SDS: variants seen among roughly 807,000 people sequenced by gnomAD.
The protein encoded by SDS is serine dehydratase, also known as L-serine dehydratase/L-threonine deaminase.
In SDS, 19 loss-of-function variants were observed where a neutral mutation model predicts 29.3. The observed-to-expected ratio is 0.65, with a 90% CI of 0.45 to 0.95. SDS has a LOEUF of 0.95. Ranked by LOEUF, SDS falls within the 40% of genes least tolerant of loss-of-function variation. The pLI is 0.00. For synonymous variants in SDS, 176 were observed against 189.0 expected, an observed-to-expected ratio of 0.93 and a Z score of 0.56; for missense variants, 375 against 439.9, an observed-to-expected ratio of 0.85 and a Z score of 1.32.
At position 113,396,128 on chromosome 12, in the gene SDS, A is replaced by C. The variant is rs116941089; in HGVS notation, c.653+1037T>G. ...AAACAAAGACAAAAACAAACAAACTATCAAAGGTTTGGGGCTTGGATATGA... is the reference window on the plus strand; with the variant it reads ...AAACAAAGACAAAAACAAACAAACTCTCAAAGGTTTGGGGCTTGGATATGA... On this transcript the variant is annotated intron_variant, in intron 6 of 7. Coordinates refer to ENST00000257549, the MANE Select transcript of SDS (RefSeq NM_006843.3). Among the ~76,000 whole-genome samples, 980 of 152,244 alleles carry C rather than the reference A, an allele frequency of 6.4e-3. 14 individuals are homozygous for C. The highest frequency in any genetic ancestry group is 8.2e-3 in the Non-Finnish European group (558 of 68,014).
rs1410136486 is a variant in SDS at position 113,399,106 on chromosome 12, A to C, written c.193+6T>G. 1 of 1,613,878 alleles carries C rather than the reference A, an allele frequency of 6.2e-7. No homozygotes were observed. ...AGAGGACAGGATGGGGAAGCAGATCACTTACCCGAGGAGCAGACAAAATGT... is the reference window on the plus strand; with the variant it reads ...AGAGGACAGGATGGGGAAGCAGATCCCTTACCCGAGGAGCAGACAAAATGT... On this transcript the variant is annotated splice_donor_region_variant and intron_variant, in intron 3 of 7. Transcript: ENST00000257549.
intron 1 of SDS, 136 bp downstream of exon 1, chr12:113,403,632 G>T (rs576875742): frequency 2.0e-5 from 3 of 152,496 alleles, no homozygotes; most frequent in African/African-American, 4.8e-5. Flanking sequence ...GCCTTCCAAA[G>T]TGTTGGGATT....
In SDS at chr12:113,398,781, C is replaced by G; in HGVS notation, c.259G>C (p.Val87Leu). Reference sequence around the variant, plus strand: ...GTGAGAGCAGGTGTGGTGCTGGGCACCACGATGGTGGCGGGGACGCCGAGT... The same window carrying G: ...GTGAGAGCAGGTGTGGTGCTGGGCAGCACGATGGTGGCGGGGACGCCGAGT... ...RQLGVPATIV[V>L]PSTTPALTIE... The change falls in exon 4 of 8, where the codon GTG becomes CTG. Residue 87 changes from valine to leucine, a missense_variant. By Grantham distance (32) the Val-to-Leu change is conservative. Coordinates refer to ENST00000257549, the MANE Select transcript of SDS (RefSeq NM_006843.3). The G allele has an allele frequency of 1.2e-6, 2 of 1,614,104 alleles. No individual in the cohort carries two copies. The highest frequency in any genetic ancestry group is 1.7e-6 in the Non-Finnish European group (2 of 1,179,990).
chr12:113,397,382 C>T lies in SDS; in HGVS notation c.436G>A (p.Ala146Thr), dbSNP rs372154433. Residue 146 changes from alanine to threonine, a missense_variant, in exon 6 of 8, where the codon GCT (alanine) becomes ACT (threonine). Coordinates refer to ENST00000257549, the MANE Select transcript of SDS (RefSeq NM_006843.3). ...TCCTTCAGCTCTTTCACGATGGAAG[C>T]GTGGCCTTCCCTGGAGGGTGGGGAG... The part of the protein sequence containing the change: ...FDDPLIWEGH[A>T]SIVKELKETL... 257 of 1,607,660 alleles carry T rather than the reference C, an allele frequency of 1.6e-4. No individual in the cohort carries two copies. Among genetic ancestry groups the T allele is most frequent in the East Asian group, 3.6e-4 (16 of 44,756 alleles).
rs116905160 is a variant in SDS at position 113,394,684 on chromosome 12, C to T, written c.654-668G>A. Among the ~76,000 whole-genome samples, 208 of 152,184 alleles carry T rather than the reference C, an allele frequency of 1.4e-3. 1 individual carries two copies. The highest frequency in any genetic ancestry group is 2.7e-3 in the Non-Finnish European group (184 of 67,992). Reference sequence around the variant, plus strand: ...CTGGGCTCAAGTGATCCTCCTGCCTCGGCACAGCGTCATATTCTGATCAAC... The same window carrying T: ...CTGGGCTCAAGTGATCCTCCTGCCTTGGCACAGCGTCATATTCTGATCAAC... On this transcript the variant is annotated intron_variant, in intron 6 of 7. Transcript: ENST00000257549.
intron 7 of SDS, 128 bp from the exon 8 acceptor site, chr12:113,393,277 C>A: frequency 1.1e-6 from 1 of 920,000 alleles, no homozygotes; most frequent in South Asian, 1.4e-5. Context: ...AGCCGCAGGT[C>A]CTGAACCAAA....
chr12:113,393,169 A>G lies in SDS; in HGVS notation c.779-20T>C, dbSNP rs1279540994. 1.2e-6 allele frequency: 2 copies of G among 1,611,644 alleles called. No individual in the cohort carries two copies. The highest frequency in any genetic ancestry group is 1.3e-5 in the African/African-American group (1 of 74,882). On this transcript the variant is annotated intron_variant, in intron 7 of 7. Transcript: ENST00000257549. ...CATCATCTGCCAGAGAAGGGGCGTG[A>G]CAGGGGCGTGGCCTGAGTTTCCCAG...
intron 1 of SDS, among the ~76,000 whole-genome samples, chr12:113,402,439 T>C (rs534213746): frequency 6.0e-4 from 92 of 152,290 alleles, no homozygotes; most frequent in African/African-American, 2.2e-3. Flanking sequence ...ATCACAGACG[T>C]GCACCACCAC....
intron 1 of SDS, among the ~76,000 whole-genome samples, chr12:113,402,912 C>T (rs951470863): frequency 7.9e-5 from 12 of 152,204 alleles, no homozygotes; most frequent in Non-Finnish European, 1.6e-4. Flanking sequence ...TCTGCCCACT[C>T]CGGCAGTCGG....
intron 1 of SDS, 98 bp downstream of exon 1, chr12:113,403,670 T>C (rs35429206): frequency 0.034 from 5,123 of 152,448 alleles, 108 homozygotes; most frequent in Middle Eastern, 0.088. Flanking sequence ...TGCCCAGCCT[T>C]GACAGACTCT....
Position 113,399,638 on chromosome 12 carries a change from C to A in SDS, c.71G>T (p.Gly24Val). 6.2e-7 allele frequency: 1 copy of A among 1,600,474 alleles called. No homozygotes were observed. Among genetic ancestry groups the A allele is most frequent in the Non-Finnish European group, 8.5e-7 (1 of 1,175,242 alleles). ...GTCCATCTTGAGGTAGACGCTGGTG[C>A]CGGCCATTTTGGACAGGGCCATGCT... The part of the protein sequence containing the change: ...RDSMALSKMA[G>V]TSVYLKMDSA... The change falls in exon 2 of 8, where the codon GGC (glycine) becomes GTC (valine). Residue 24 changes from glycine (G) to valine (V), a missense_variant. Physicochemically the swap from Gly to Val is moderately radical, Grantham distance 109. Transcript: ENST00000257549.
At position 113,392,516 on chromosome 12, in the gene SDS, G is replaced by A. The variant is rs1459391720; in HGVS notation, c.*425C>T. ...TTAGAAAAATTAGTAAGGGTCAGGG[G>A]TGGGCTTCCTGGGAGGATGGCTGAG... On this transcript the variant is annotated 3_prime_UTR_variant, in exon 8 of 8. Coordinates refer to ENST00000257549, the MANE Select transcript of SDS (RefSeq NM_006843.3). 5.3e-6 allele frequency: 1 copy of A among 188,880 alleles called. No homozygotes were observed. The highest frequency in any genetic ancestry group is 2.4e-5 in the African/African-American group (1 of 42,048). 11.7% of individuals were successfully genotyped at this position (188,880 alleles called of 1,614,324 possible). A position where few individuals can be genotyped will look rare whatever the true frequency, so the allele number is the denominator to read the frequency against.
chr12:113,397,058 G>A, intron 6 of SDS, 107 bp downstream of exon 6: 1 of 1,021,678 alleles, frequency 9.8e-7, no homozygotes, highest in Admixed American at 2.1e-5. Flanking sequence ...AGCCTCCATT[G>A]TCTCATCTGT....
chr12:113,394,122 C>G (rs899233471), intron 6 of SDS, 106 bp from the exon 7 acceptor site: 146 of 1,055,134 alleles, frequency 1.4e-4, no homozygotes, highest in Non-Finnish European at 2.0e-4. Context: ...GAAGGCAATG[C>G]ATCTGGGGGC....
At chr12:113,397,416 G>A in intron 5 of SDS, 24 bp from the exon 6 acceptor site, 1 of 1,573,398 alleles carries the variant, frequency 6.4e-7, no homozygotes, top group Non-Finnish European at 8.7e-7. Flanking sequence ...AGAGGGGGTG[G>A]CAGGTCAGGG....
At chr12:113,397,748 G>A (rs1043927749) in intron 5 of SDS, among the ~76,000 whole-genome samples, 31 of 152,278 alleles carry the variant, frequency 2.0e-4, no homozygotes, top group Admixed American at 1.5e-3. Flanking sequence ...CACCCACAGC[G>A]GCCACCTGCC....
At chr12:113,395,371 G>C (rs1198062246) in intron 6 of SDS, among the ~76,000 whole-genome samples, 1 of 152,190 alleles carries the variant, frequency 6.6e-6, no homozygotes, top group Non-Finnish European at 1.5e-5. Flanking sequence ...AGCTCCAGAT[G>C]CCAGGCTCAG....
rs115561481 is a variant in SDS at position 113,394,241 on chromosome 12, A to G, written c.654-225T>C. ...TGCAGAGTGTTTGAATTGACATCAT[A>G]TAGTATATTCTTTAGTATCATTTTT... On this transcript the variant is annotated intron_variant, in intron 6 of 7. Coordinates refer to ENST00000257549, the MANE Select transcript of SDS (RefSeq NM_006843.3). Among the ~76,000 whole-genome samples the G allele has an allele frequency of 6.8e-3, 1,027 of 151,904 alleles. 7 individuals are homozygous for G. Among genetic ancestry groups the G allele is most frequent in the African/African-American group, 0.023 (966 of 41,358 alleles).
intron 4 of SDS, 38 bp from the exon 5 acceptor site, chr12:113,398,644 C>A: frequency 1.2e-6 from 2 of 1,602,892 alleles, no homozygotes; most frequent in Non-Finnish European, 8.5e-7. Context: ...GGGTGAGGCA[C>A]AGGGGGCACC....
Sources: gnomAD v4.1 joint callset for allele counts (sites outside exome capture counted in the v4.1 genomes callset) on GRCh38, gnomAD v4.1.1 for gene constraint, MANE v1.5 for transcripts, NCBI Gene and HGNC (gene_info 2026-07-23, HGNC 2026-07-21) for gene names.